DPRX: variants seen among roughly 807,000 people sequenced by gnomAD.
DPRX encodes divergent-paired related homeobox.
Under a neutral mutation model 8.4 loss-of-function variants are expected in DPRX, and 11 were observed. The ratio of observed to expected loss-of-function variants is 1.31; its 90% confidence interval spans 0.82 to 2.17. The LOEUF is 2.17. Ranked by LOEUF, DPRX falls within the 30% of genes most tolerant of loss-of-function variation. The probability of loss-of-function intolerance (pLI) is 0.00; values close to 1 mark genes in which losing one functional copy is unlikely to be tolerated. For missense variants in DPRX, 211 were observed against 236.7 expected (o/e 0.89, Z 0.71); for synonymous variants, 72 against 87.0 (o/e 0.83, Z 0.96).
chr19:53,611,275 A>T, the DPRX span, among the ~76,000 whole-genome samples: 1 of 151,112 alleles, frequency 6.6e-6, no homozygotes. Context: ...AATTTTTTTA[A>T]ATTTTTTTTT....
the DPRX span, among the ~76,000 whole-genome samples, chr19:53,608,976 G>GAAAAAAA: frequency 1.6e-3 from 128 of 80,606 alleles, no homozygotes; most frequent in African/African-American, 2.3e-3. Context: ...AAAAAAAAAG[G>GAAAAAAA]AAAGAAAAGA....
At chr19:53,618,830 A>G in the DPRX span, among the ~76,000 whole-genome samples, 7 of 151,970 alleles carry the variant, frequency 4.6e-5, no homozygotes, top group South Asian at 1.2e-3. Context: ...TTACAGGCAT[A>G]CGCCACCAAA....
At chr19:53,636,549 C>G (rs766574747) in intron 2 of DPRX, 47 bp from the exon 3 acceptor site, 112 of 1,359,456 alleles carry the variant, frequency 8.2e-5, no homozygotes, top group Admixed American at 2.4e-4. Flanking sequence ...AATAGAATGA[C>G]AAGTCATCTG....
At chr19:53,635,107 G>T (rs1215175490) in intron 2 of DPRX, among the ~76,000 whole-genome samples, 2 of 152,044 alleles carry the variant, frequency 1.3e-5, no homozygotes, top group Non-Finnish European at 1.5e-5. Context: ...CAAGTAGCTG[G>T]GACTACAGGT....
the DPRX span, among the ~76,000 whole-genome samples, chr19:53,612,561 G>T: frequency 1.3e-5 from 2 of 151,824 alleles, no homozygotes; most frequent in African/African-American, 4.8e-5. Context: ...ACAAAAATTA[G>T]CCGGCCATGC....
At chr19:53,629,523 T>C (rs1473831716), upstream of DPRX, among the ~76,000 whole-genome samples, 4 of 148,210 alleles carry the variant, frequency 2.7e-5, no homozygotes, top group African/African-American at 4.9e-5. Flanking sequence ...ATTACAGGTG[T>C]GAGCCACTGT....
chr19:53,624,496 G>A, the DPRX span, among the ~76,000 whole-genome samples: 1 of 151,768 alleles, frequency 6.6e-6, no homozygotes, highest in East Asian at 1.9e-4. Flanking sequence ...TCGGTTCACT[G>A]AAGCCTCCCA....
In DPRX at chr19:53,636,978, G is replaced by A. The variant is rs370961873; in HGVS notation, c.566G>A (p.Arg189Gln). The change falls in exon 3 of 3, where the codon CGA becomes CAA. Residue 189 changes from arginine (R) to glutamine (Q), a missense_variant. Arg to Gln is a conservative substitution (Grantham distance 43, BLOSUM62 1). Transcript: ENST00000376650. ...CCTGCCTGTTCATCTAACCAAAGTCGAGAGAGATGATAAATACAAAAAGTC... is the reference window on the plus strand; with the variant it reads ...CCTGCCTGTTCATCTAACCAAAGTCAAGAGAGATGATAAATACAAAAAGTC... The A allele has an allele frequency of 3.1e-6, 5 of 1,597,574 alleles. No individual in the cohort carries two copies. Among genetic ancestry groups the A allele is most frequent in the Middle Eastern group, 1.7e-4 (1 of 5,976 alleles).
chr19:53,612,386 C>CA, the DPRX span, among the ~76,000 whole-genome samples: 13 of 151,320 alleles, frequency 8.6e-5, no homozygotes, highest in South Asian at 2.3e-3. Flanking sequence ...AAACAAAACA[C>CA]AAAAAAGCAG....
chr19:53,618,746 T>G, the DPRX span, among the ~76,000 whole-genome samples: 5,255 of 150,406 alleles, frequency 0.035, 142 homozygotes, highest in East Asian at 0.16. Context: ...GCAGTGGCAC[T>G]ATCTTGGCTC....
At chr19:53,623,934 G>A in the DPRX span, among the ~76,000 whole-genome samples, 1 of 150,838 alleles carries the variant, frequency 6.6e-6, no homozygotes, top group Admixed American at 6.7e-5. Context: ...AGGGCAACAA[G>A]AGTGAAACTC....
chr19:53,612,050 C>T, the DPRX span, among the ~76,000 whole-genome samples: 320 of 150,896 alleles, frequency 2.1e-3, 5 homozygotes, highest in East Asian at 0.053. Flanking sequence ...TGCCACTGCA[C>T]TCTAGCCTGG....
chr19:53,627,024 G>A, the DPRX span, among the ~76,000 whole-genome samples: 1 of 151,976 alleles, frequency 6.6e-6, no homozygotes, highest in Non-Finnish European at 1.5e-5. Context: ...CAGCCTCCAA[G>A]GTGATTCTTT....
chr19:53,605,226 A>G, the DPRX span, among the ~76,000 whole-genome samples: 1,430 of 152,180 alleles, frequency 9.4e-3, 18 homozygotes, highest in African/African-American at 0.032. Flanking sequence ...AACAACAACA[A>G]AAGTCAGATT....
intron 1 of DPRX, among the ~76,000 whole-genome samples, chr19:53,634,005 T>C (rs1379333892): frequency 6.6e-6 from 1 of 152,144 alleles, no homozygotes; most frequent in African/African-American, 2.4e-5. Flanking sequence ...CCTTTTCCTA[T>C]GAAAATGACA....
chr19:53,633,729 T>C (rs1005296471), intron 1 of DPRX, among the ~76,000 whole-genome samples: 15 of 152,058 alleles, frequency 9.9e-5, no homozygotes, highest in Non-Finnish European at 2.2e-4. Context: ...AGAATGGTCT[T>C]GATCTCTTGA....
At chr19:53,618,013 G>T in the DPRX span, among the ~76,000 whole-genome samples, 1 of 151,348 alleles carries the variant, frequency 6.6e-6, no homozygotes, top group Non-Finnish European at 1.5e-5. Flanking sequence ...TGGTGGCGGG[G>T]CACCTGTAAT....
the DPRX span, among the ~76,000 whole-genome samples, chr19:53,608,827 C>T: frequency 5.3e-5 from 8 of 151,196 alleles, no homozygotes; most frequent in South Asian, 2.1e-4. Flanking sequence ...TGGTGGCGGG[C>T]GCCTGTAGTC....
chr19:53,620,226 T>A, the DPRX span, among the ~76,000 whole-genome samples: 1 of 151,920 alleles, frequency 6.6e-6, no homozygotes, highest in Non-Finnish European at 1.5e-5. Context: ...CCTGCCACCT[T>A]GCCCGGCTGT....
Sources: allele counts gnomAD v4.1 joint callset (sites outside exome capture counted in the v4.1 genomes callset), GRCh38; gene constraint gnomAD v4.1.1; transcripts MANE v1.5; gene names NCBI Gene and HGNC (gene_info 2026-07-23, HGNC 2026-07-21).